Variants in TSHR observed in about 807,000 individuals in gnomAD.
The protein encoded by TSHR is thyrotropin receptor.
A neutral mutation model predicts 64.1 loss-of-function variants in TSHR; 51 were observed. The observed-to-expected ratio is 0.80, with a 90% confidence interval of 0.64 to 1.01. TSHR has a LOEUF of 1.01. TSHR is among the 50% of genes least tolerant of loss of function. TSHR has a pLI of 0.00. For missense variants in TSHR, 877 were observed against 942.8 expected (o/e 0.93, Z 0.91); for synonymous variants, 361 against 361.9 (o/e 1.00, Z 0.03).
chr14:80,990,724 G>C (rs35523135), intron 1 of TSHR, among the ~76,000 whole-genome samples: 14,561 of 151,958 alleles, frequency 0.096, 971 homozygotes, highest in South Asian at 0.22. Context: ...GCACAGTCTC[G>C]GCTTACCGCA....
rs1359496431 is a variant in TSHR, at chr14:81,047,377, TGAG to T, written c.171-14770_171-14768del. 2.6e-5 allele frequency among the ~76,000 whole-genome samples: 4 copies of T among 152,342 alleles called. 1 individual carries two copies. The highest frequency in any genetic ancestry group is 9.6e-5 in the African/African-American group (4 of 41,578). ...GTTTGACTATGGTATTCCATATGTC[TGAG>T]TAGAATATATAGGTGATAAACATAT... On this transcript the variant is annotated intron_variant, in intron 1 of 9. Coordinates refer to ENST00000298171, the MANE Select transcript of TSHR (RefSeq NM_000369.5).
At position 80,972,008 on chromosome 14, in the gene TSHR, G is replaced by A. The variant is rs147789202; in HGVS notation, c.170+16158G>A. ...AGATGATGAAATATAGTAACTTGAT[G>A]TGGTTACTATACACAGTACTAGAGG... On this transcript the variant is annotated intron_variant, in intron 1 of 9. Transcript: ENST00000298171. 4.4e-3 allele frequency among the ~76,000 whole-genome samples: 673 copies of A among 152,260 alleles called. 9 individuals carry two copies. Among genetic ancestry groups the A allele is most frequent in the African/African-American group, 0.015 (607 of 41,548 alleles).
rs138729292 is a variant in TSHR at position 81,044,760 on chromosome 14, C to T, written c.171-17388C>T. 8.8e-4 allele frequency among the ~76,000 whole-genome samples: 134 copies of T among 151,618 alleles called. 2 individuals carry two copies. The East Asian group carries it at 0.019, about 22-fold the overall frequency. ...AAAGTCAAAAAACAACAGATGCTGG[C>T]GAGATTGCAGAGAAAAAAAGAATGC... On this transcript the variant is annotated intron_variant, in intron 1 of 9. Coordinates refer to ENST00000298171, the MANE Select transcript of TSHR (RefSeq NM_000369.5).
At chr14:81,036,649 AG>A (rs1379071064) in intron 1 of TSHR, among the ~76,000 whole-genome samples, 1 of 152,216 alleles carries the variant, frequency 6.6e-6, no homozygotes, top group Non-Finnish European at 1.5e-5. Flanking sequence ...TATGAAAAAA[AG>A]AAAGTATAAT....
intron 1 of TSHR, chr14:81,012,857 C>G (rs1343766316): frequency 3.4e-4 from 52 of 152,110 alleles, no homozygotes; most frequent in Middle Eastern, 3.4e-3. Context: ...TGTCAGATGA[C>G]TAGGTTGCGA....
chr14:81,142,775 A>G (rs1891750873), intron 9 of TSHR, among the ~76,000 whole-genome samples, 165 bp from the exon 10 acceptor site: 1 of 151,530 alleles, frequency 6.6e-6, no homozygotes, highest in Non-Finnish European at 1.5e-5. Flanking sequence ...ATGCCCAGCC[A>G]ATGTTTGCAT....
intron 1 of TSHR, among the ~76,000 whole-genome samples, chr14:80,978,768 C>T (rs538357399): frequency 6.6e-6 from 1 of 152,082 alleles, no homozygotes; most frequent in Admixed American, 6.5e-5. Flanking sequence ...GCTGCCATAC[C>T]CATTTTCTCT....
chr14:81,069,028 G>A (rs1886867001), intron 3 of TSHR, among the ~76,000 whole-genome samples: 1 of 152,092 alleles, frequency 6.6e-6, no homozygotes, highest in South Asian at 2.1e-4. Context: ...ATTATTTTAA[G>A]TAGCTATGTA....
intron 1 of TSHR, among the ~76,000 whole-genome samples, chr14:80,981,194 G>A (rs1223161253): frequency 6.6e-6 from 1 of 151,910 alleles, no homozygotes; most frequent in Non-Finnish European, 1.5e-5. Flanking sequence ...GCAACATCAG[G>A]GATTTCACTG....
chr14:81,080,486 T>G (rs1045534206), intron 3 of TSHR, among the ~76,000 whole-genome samples: 1 of 152,226 alleles, frequency 6.6e-6, no homozygotes, highest in African/African-American at 2.4e-5. Context: ...TATAATGTTC[T>G]ATTTTTAGTG....
At chr14:81,088,153 G>C (rs939344312) in intron 4 of TSHR, 125 bp downstream of exon 4, 2 of 779,556 alleles carry the variant, frequency 2.6e-6, no homozygotes, top group Non-Finnish European at 4.4e-6. Context: ...TATAGCCTGG[G>C]TCGGGGGCAA....
chr14:80,966,177 T>C (rs1054638761), intron 1 of TSHR, among the ~76,000 whole-genome samples: 1 of 152,242 alleles, frequency 6.6e-6, no homozygotes, highest in African/African-American at 2.4e-5. Flanking sequence ...TGCCAGGTAC[T>C]GTCACTTTAT....
intron 7 of TSHR, chr14:81,107,118 G>A (rs536338999): frequency 6.6e-6 from 1 of 152,190 alleles, no homozygotes; most frequent in South Asian, 2.1e-4. Context: ...TTCCTCCCAC[G>A]GTTTCAACGA....
intron 3 of TSHR, among the ~76,000 whole-genome samples, chr14:81,076,615 T>TC (rs1357148288): frequency 6.6e-6 from 1 of 152,146 alleles, no homozygotes; most frequent in Non-Finnish European, 1.5e-5. Context: ...CTGAGATGTA[T>TC]CACTATACCT....
rs138565506 is a variant in TSHR at position 81,055,773 on chromosome 14, C to G, written c.171-6375C>G. ...GGCTGTATTTACCCAATACTTGTAT[C>G]TGCATTGTATCTAGGAAGTAACTAG... On this transcript the variant is annotated intron_variant, in intron 1 of 9. Coordinates refer to ENST00000298171, the MANE Select transcript of TSHR (RefSeq NM_000369.5). Among the ~76,000 whole-genome samples the G allele has an allele frequency of 2.8e-3, 430 of 152,316 alleles. 4 individuals carry two copies. Among genetic ancestry groups the G allele is most frequent in the African/African-American group, 0.01 (422 of 41,558 alleles).
intron 1 of TSHR, among the ~76,000 whole-genome samples, chr14:81,005,757 C>G (rs1889568374): frequency 6.6e-6 from 1 of 152,074 alleles, no homozygotes; most frequent in Non-Finnish European, 1.5e-5. Flanking sequence ...TCGGGTATGA[C>G]GTCAGTAAGG....
intron 1 of TSHR, among the ~76,000 whole-genome samples, chr14:80,966,265 A>C (rs945771632): frequency 2.0e-5 from 3 of 152,162 alleles, no homozygotes; most frequent in African/African-American, 7.2e-5. Flanking sequence ...CATGAAAATA[A>C]AGAGGATCTA....
At chr14:80,973,415 A>AAAAAAAAAAAAAAAAAAAAAAAAAG (rs1364548627) in intron 1 of TSHR, among the ~76,000 whole-genome samples, 1 of 148,482 alleles carries the variant, frequency 6.7e-6, no homozygotes, top group East Asian at 2.0e-4. Context: ...AAAAAAAAAA[A>AAAAAAAAAAAAAAAAAAAAAAAAAG]AAAAAAAAAA....
chr14:81,093,504 C>A (rs2139988547), intron 6 of TSHR: 1 of 152,312 alleles, frequency 6.6e-6, no homozygotes, highest in South Asian at 2.1e-4. Context: ...TGGATTGTCA[C>A]CCCAGTTTCA....
Sources: gnomAD v4.1 joint callset for allele counts (sites outside exome capture counted in the v4.1 genomes callset) on GRCh38, gnomAD v4.1.1 for gene constraint, MANE v1.5 for transcripts, NCBI Gene and HGNC (gene_info 2026-07-23, HGNC 2026-07-21) for gene names.